RAB2B: variants seen among roughly 807,000 people sequenced by gnomAD.
The protein encoded by RAB2B is ras-related protein Rab-2B.
RAB2B carries 20 observed loss-of-function variants against 29.8 expected under a neutral mutation model. The ratio of observed to expected loss-of-function variants is 0.67; its 90% CI spans 0.47 to 0.97. The LOEUF (loss-of-function observed/expected upper bound fraction) is 0.97. Among genes scored for constraint, RAB2B ranks in the 50% least tolerant of loss-of-function variants. RAB2B has a pLI of 0.00. For synonymous variants in RAB2B, 93 were observed against 91.7 expected (o/e 1.01, Z -0.08); for missense variants, 218 against 272.0 (o/e 0.80, Z 1.40).
rs1373017596 is a variant in RAB2B, at chr14:21,460,598, A to AAG, written c.*597_*598insCT. On this transcript the variant is annotated 3_prime_UTR_variant, in exon 8 of 8. Transcript: ENST00000397762. ...GACTCCATCCCCCCAAAAAAAAAAAAAAAAAAAGAAAAAAAAAATTATTTA... is the reference window on the plus strand; with the variant it reads ...GACTCCATCCCCCCAAAAAAAAAAAAAGAAAAAAAGAAAAAAAAAATTATTTA... 6 of 151,346 alleles carry AAG rather than the reference A, an allele frequency of 4.0e-5. No individual in the cohort carries two copies. The highest frequency in any genetic ancestry group is 1.5e-4 in the African/African-American group (6 of 39,090). 9.4% of individuals were successfully genotyped at this position (151,346 alleles called of 1,614,324 possible).
chr14:21,475,279 A>G (rs1890919532), intron 2 of RAB2B, among the ~76,000 whole-genome samples: 1 of 152,166 alleles, frequency 6.6e-6, no homozygotes, highest in East Asian at 1.9e-4. Context: ...TAGTTTTGTA[A>G]CTTTTCCAAA....
intron 3 of RAB2B, 105 bp from the exon 4 acceptor site, chr14:21,468,857 A>C (rs1172469320): frequency 1.7e-6 from 1 of 588,210 alleles, no homozygotes; most frequent in Non-Finnish European, 2.7e-6. Flanking sequence ...AACTAAAAAA[A>C]GAATTTCTAT....
At chr14:21,475,120 CTAGAAT>C (rs1226820126) in intron 2 of RAB2B, among the ~76,000 whole-genome samples, 186 bp from the exon 3 acceptor site, 1 of 152,154 alleles carries the variant, frequency 6.6e-6, no homozygotes, top group East Asian at 1.9e-4. Flanking sequence ...CATTTCCCTT[CTAGAAT>C]TAAAAAATTG....
chr14:21,471,271 T>C (rs1185759016), intron 3 of RAB2B, among the ~76,000 whole-genome samples: 1 of 151,938 alleles, frequency 6.6e-6, no homozygotes, highest in Non-Finnish European at 1.5e-5. Context: ...CAGTTCAATT[T>C]GGTCTTGTCT....
At chr14:21,468,568 T>C (rs1890737086) in intron 4 of RAB2B, 102 bp downstream of exon 4, 2 of 1,263,890 alleles carry the variant, frequency 1.6e-6, no homozygotes, top group South Asian at 2.6e-5. Context: ...AGAGAGGCCA[T>C]TCCTAGTTAA....
chr14:21,472,506 C>T (rs1421358317), intron 3 of RAB2B, among the ~76,000 whole-genome samples: 2 of 151,958 alleles, frequency 1.3e-5, no homozygotes, highest in African/African-American at 2.4e-5. Flanking sequence ...CCAGACTTAC[C>T]CAAAAGGCGA....
chr14:21,465,621 T>C (rs1890668357), intron 5 of RAB2B, among the ~76,000 whole-genome samples: 1 of 152,226 alleles, frequency 6.6e-6, no homozygotes, highest in African/African-American at 2.4e-5. Flanking sequence ...TAAAATCTGA[T>C]CAAGCCACTT....
chr14:21,466,162 C>T (rs181519454), intron 5 of RAB2B, among the ~76,000 whole-genome samples: 8 of 152,278 alleles, frequency 5.3e-5, no homozygotes, highest in Middle Eastern at 3.4e-3. Flanking sequence ...CTGGCACAGT[C>T]GTTTTCAATA....
At position 21,467,072 on chromosome 14, in the gene RAB2B, A is replaced by T. The variant is rs1295129917; in HGVS notation, c.362+1285T>A. Among the ~76,000 whole-genome samples the T allele has an allele frequency of 2.0e-5, 3 of 151,022 alleles. No homozygotes were observed. The East Asian group carries it at 5.8e-4, about 29-fold the overall frequency. On this transcript the variant is annotated intron_variant, in intron 5 of 7. Transcript: ENST00000397762. ...GAGGTGCGTGCCACCACGCCTGGCT[A>T]CTTTTTGTATTTTTTCAGTACAGAC...
In RAB2B at chr14:21,462,380, G is replaced by C; in HGVS notation, c.513C>G (p.Ile171Met). ...INTAKEIYRK[I>M]QQGLFDVHNE... is the part of the protein sequence containing the mutation. Reference sequence around the variant, plus strand: ...TGTGGACATCAAATAAACCCTGCTGGATCTTCCTATATATTTCTTTGGCTG... The same window carrying C: ...TGTGGACATCAAATAAACCCTGCTGCATCTTCCTATATATTTCTTTGGCTG... The change falls in exon 7 of 8, where the codon ATC becomes ATG. Residue 171 changes from isoleucine to methionine, a missense_variant. Transcript: ENST00000397762. 6.2e-7 allele frequency: 1 copy of C among 1,613,418 alleles called. No homozygotes were observed. The highest frequency in any genetic ancestry group is 1.1e-5 in the South Asian group (1 of 90,994).
At chr14:21,468,098 A>C (rs1594411462) in intron 5 of RAB2B, among the ~76,000 whole-genome samples, 2 of 152,268 alleles carry the variant, frequency 1.3e-5, no homozygotes, top group East Asian at 3.9e-4. Context: ...ATGTGTATAG[A>C]GTTTGAGAAG....
Position 21,476,515 on chromosome 14 carries a change from T to C in RAB2B, c.118+13A>G, listed in dbSNP as rs919854977. ...GTTTTATCATCTGTTCTGGAACAAGTAGATGCACTTACCTATTGTGAGGTC... is the reference window on the plus strand; with the variant it reads ...GTTTTATCATCTGTTCTGGAACAAGCAGATGCACTTACCTATTGTGAGGTC... On this transcript the variant is annotated intron_variant, in intron 2 of 7. Coordinates refer to ENST00000397762, the MANE Select transcript of RAB2B (RefSeq NM_032846.4). The C allele has an allele frequency of 1.2e-6, 2 of 1,613,642 alleles. No homozygotes were observed. The highest frequency in any genetic ancestry group is 1.3e-5 in the African/African-American group (1 of 74,918).
intron 3 of RAB2B, among the ~76,000 whole-genome samples, chr14:21,469,766 G>T (rs1016157532): frequency 4.6e-5 from 7 of 152,054 alleles, no homozygotes; most frequent in East Asian, 3.8e-4. Context: ...AAGGATGTGG[G>T]AAAATAAATG....
rs749946471 is a variant in RAB2B, at chr14:21,461,166, G to A, written c.*30C>T. ...AGCCTATTGATCTGAAGCTATTCCA[G>A]GAAGGACAAAAAAAGTTCAAGCCAG... On this transcript the variant is annotated 3_prime_UTR_variant, in exon 8 of 8. Transcript: ENST00000397762. 1.3e-6 allele frequency: 2 copies of A among 1,497,914 alleles called. No individual in the cohort carries two copies. The highest frequency in any genetic ancestry group is 2.3e-5 in the South Asian group (2 of 87,096). 92.8% of individuals were successfully genotyped at this position (1,497,914 alleles called of 1,614,324 possible).
At chr14:21,461,358 C>G (rs761825806) in intron 7 of RAB2B, 55 bp from the exon 8 acceptor site, 23 of 1,183,058 alleles carry the variant, frequency 1.9e-5, no homozygotes, top group Non-Finnish European at 2.6e-5. Flanking sequence ...GAATGAGAGA[C>G]AGGAGGGGGC....
At chr14:21,463,793 A>T (rs1890624057) in intron 5 of RAB2B, 26 bp from the exon 6 acceptor site, 1 of 1,428,656 alleles carries the variant, frequency 7.0e-7, no homozygotes, top group Non-Finnish European at 9.7e-7. Context: ...TAAGGAGAAA[A>T]TTTAAAAAAA....
At chr14:21,472,140 GA>G (rs35535249) in intron 3 of RAB2B, among the ~76,000 whole-genome samples, 4,247 of 151,012 alleles carry the variant, frequency 0.028, 216 homozygotes, top group African/African-American at 0.097. Flanking sequence ...GTTTATTAAG[GA>G]AAAAAAAATT....
chr14:21,469,946 C>CT lies in RAB2B; in HGVS notation c.187-1195dup, dbSNP rs768032520. Among the ~76,000 whole-genome samples, 942 of 137,650 alleles carry CT rather than the reference C, an allele frequency of 6.8e-3. 8 individuals are homozygous for CT. The highest frequency in any genetic ancestry group is 0.011 in the African/African-American group (365 of 33,280). 90.3% of individuals were successfully genotyped at this position (137,650 alleles called of 152,430 possible). ...ACCCTGGGGCCGATATTATTATTCC[C>CT]TTTTTTTTTTTCTTTTTTTTTTTGA... is the stretch of plus-strand genomic sequence containing the variant. On this transcript the variant is annotated intron_variant, in intron 3 of 7. Coordinates refer to ENST00000397762, the MANE Select transcript of RAB2B (RefSeq NM_032846.4).
Position 21,476,951 on chromosome 14 carries a change from C to G in RAB2B, c.-79G>C, listed in dbSNP as rs1266211416. 3 of 1,488,382 alleles carry G rather than the reference C, an allele frequency of 2.0e-6. No homozygotes were observed. The African/African-American group carries it at 4.1e-5, about 21-fold the overall frequency. 92.2% of individuals were successfully genotyped at this position (1,488,382 alleles called of 1,614,324 possible). ...CCGACCTCTCTAGCCACTCAATCTA[C>G]CGATCTTCTTCTTCTCCCCCTTCCC... On this transcript the variant is annotated 5_prime_UTR_variant, in exon 1 of 8. Transcript: ENST00000397762.
Sources: gnomAD v4.1 joint callset for allele counts (sites outside exome capture counted in the v4.1 genomes callset) on GRCh38, gnomAD v4.1.1 for gene constraint, MANE v1.5 for transcripts, NCBI Gene and HGNC (gene_info 2026-07-23, HGNC 2026-07-21) for gene names.